The following RFTN1 variants were observed in gnomAD, a reference collection of about 807,000 sequenced individuals.
RFTN1 encodes raftlin, lipid raft linker 1, also known as raftlin.
A neutral mutation model predicts 46.5 loss-of-function variants in RFTN1; 26 were observed. The observed-to-expected ratio is 0.56, with a 90% confidence interval of 0.41 to 0.78. The LOEUF is 0.78. RFTN1 is among the 30% of genes least tolerant of loss of function. The pLI is 0.00. For synonymous variants in RFTN1, 261 were observed against 284.2 expected (o/e 0.92, Z 0.82); for missense variants, 693 against 718.7 (o/e 0.96, Z 0.41).
intron 6 of RFTN1, among the ~76,000 whole-genome samples, chr3:16,366,928 G>A (rs954852179): frequency 1.3e-5 from 2 of 152,202 alleles, no homozygotes; most frequent in Non-Finnish European, 1.5e-5. Context: ...GACCCAGGGA[G>A]AGGAGTCCTG....
At chr3:16,331,045 G>C (rs925109912) in intron 7 of RFTN1, among the ~76,000 whole-genome samples, 1 of 152,202 alleles carries the variant, frequency 6.6e-6, no homozygotes, top group African/African-American at 2.4e-5. Context: ...AAAGGAATTT[G>C]ATTTCCCTTG....
intron 6 of RFTN1, among the ~76,000 whole-genome samples, chr3:16,367,085 A>G (rs950753411): frequency 1.3e-5 from 2 of 152,244 alleles, no homozygotes; most frequent in East Asian, 1.9e-4. Context: ...CACCTTGTTT[A>G]TGGGACACAG....
chr3:16,365,982 C>A lies in RFTN1; in HGVS notation c.1030+4094G>T, dbSNP rs2073142420. Among the ~76,000 whole-genome samples, 7 of 152,098 alleles carry A rather than the reference C, an allele frequency of 4.6e-5. No individual in the cohort carries two copies. In the South Asian group the frequency reaches 1.5e-3, roughly 32 times the overall value. On this transcript the variant is annotated intron_variant, in intron 6 of 9. Coordinates refer to ENST00000334133, the MANE Select transcript of RFTN1 (RefSeq NM_015150.2). The stretch of plus-strand genomic sequence containing the variant: ...GGTTTGGATAATCAGCTGCAAAGGC[C>A]ATTTCTGAAACAAAGAGGTGGAGGA...
intron 6 of RFTN1, among the ~76,000 whole-genome samples, chr3:16,366,095 G>T (rs143897297): frequency 6.6e-6 from 1 of 152,182 alleles, no homozygotes; most frequent in East Asian, 1.9e-4. Flanking sequence ...GGAAGGCAGG[G>T]CAAAGAGGGT....
In RFTN1 at chr3:16,418,016, C is replaced by T. The variant is rs1281621432; in HGVS notation, c.333-8533G>A. Among the ~76,000 whole-genome samples the T allele has an allele frequency of 6.6e-6, 1 of 152,176 alleles. No homozygotes were observed. The highest frequency in any genetic ancestry group is 1.5e-5 in the Non-Finnish European group (1 of 68,030). ...GCAACCATGCCCGGCCTTGTCTGAC[C>T]CATTTAAACAGCCCCTCACTCTGCT... On this transcript the variant is annotated intron_variant, in intron 3 of 9. Coordinates refer to ENST00000334133, the MANE Select transcript of RFTN1 (RefSeq NM_015150.2). The surrounding 1 kb of genome is among the most constrained non-coding windows in gnomAD (Gnocchi z 5.0).
Position 16,451,286 on chromosome 3 carries a change from CCT to C in RFTN1, c.146-17251_146-17250del, listed in dbSNP as rs1172666739. Among the ~76,000 whole-genome samples the C allele has an allele frequency of 1.3e-5, 2 of 152,160 alleles. No homozygotes were observed. The highest frequency in any genetic ancestry group is 4.8e-5 in the African/African-American group (2 of 41,434). ...CAGCAGAACGTCTCATCAGTGACCT[CCT>C]CTTACCCACCACGTCAGATCCCCCA... On this transcript the variant is annotated intron_variant, in intron 2 of 9. Coordinates refer to ENST00000334133, the MANE Select transcript of RFTN1 (RefSeq NM_015150.2). The surrounding 1 kb of genome is among the most constrained non-coding windows in gnomAD (Gnocchi z 4.2).
rs559289269 is a variant in RFTN1, at chr3:16,391,577, A to G, written c.442-13475T>C. On this transcript the variant is annotated intron_variant, in intron 4 of 9. Transcript: ENST00000334133. ...ATAGCCCTTATATTGAGCTCCAATTACAGTTGTTAGTTAAGTGGGAGGACA... is the reference window on the plus strand; with the variant it reads ...ATAGCCCTTATATTGAGCTCCAATTGCAGTTGTTAGTTAAGTGGGAGGACA... Among the ~76,000 whole-genome samples the G allele has an allele frequency of 4.6e-5, 7 of 152,326 alleles. No individual in the cohort carries two copies. The East Asian group carries it at 1.3e-3, about 29-fold the overall frequency.
At chr3:16,436,975 T>C (rs556536271) in intron 2 of RFTN1, among the ~76,000 whole-genome samples, 40 of 152,320 alleles carry the variant, frequency 2.6e-4, no homozygotes, top group African/African-American at 9.4e-4. Context: ...GGTATTTTTA[T>C]TGGGTCATGT....
chr3:16,468,286 C>T lies in RFTN1; in HGVS notation c.145+25439G>A, dbSNP rs1286738721. On this transcript the variant is annotated intron_variant, in intron 2 of 9. Transcript: ENST00000334133. This position sits in a 1 kb window ranked among gnomAD's most constrained non-coding sequence, Gnocchi z 4.4. ...ATTTGGAAACTTATCTGTAGGAGTT[C>T]CCAAACCCTCACTGTCGTTCGTTTT... 3.9e-5 allele frequency among the ~76,000 whole-genome samples: 6 copies of T among 152,160 alleles called. No individual in the cohort carries two copies. Among genetic ancestry groups the T allele is most frequent in the Non-Finnish European group, 8.8e-5 (6 of 68,036 alleles).
At chr3:16,511,425 G>A (rs186921546) in intron 1 of RFTN1, among the ~76,000 whole-genome samples, 1 of 152,264 alleles carries the variant, frequency 6.6e-6, no homozygotes, top group Admixed American at 6.5e-5. Context: ...ATGGACACAG[G>A]GATGGCTGGA....
intron 2 of RFTN1, among the ~76,000 whole-genome samples, chr3:16,482,501 C>T (rs889226360): frequency 4.6e-5 from 7 of 152,112 alleles, no homozygotes; most frequent in Non-Finnish European, 7.4e-5. Flanking sequence ...AAGCCATACC[C>T]GAGGGACCTT....
chr3:16,438,333 G>A (rs1426636014), intron 2 of RFTN1, among the ~76,000 whole-genome samples: 3 of 151,844 alleles, frequency 2.0e-5, no homozygotes, highest in Non-Finnish European at 2.9e-5. Flanking sequence ...GCTTGTAATC[G>A]CAGCACTTTA....
At chr3:16,355,138 T>C (rs2125327391) in intron 7 of RFTN1, among the ~76,000 whole-genome samples, 1 of 152,290 alleles carries the variant, frequency 6.6e-6, no homozygotes, top group East Asian at 1.9e-4. Context: ...AGAATCACCC[T>C]AACACTCCAT....
rs1305633570 is a variant in RFTN1, at chr3:16,348,832, G to A, written c.1146+9100C>T. ...CCACCTGCCCCACTGGGAAGCAGGA[G>A]GACTGGTTTTGGTCCAATAGCCCAT... On this transcript the variant is annotated intron_variant, in intron 7 of 9. Coordinates refer to ENST00000334133, the MANE Select transcript of RFTN1 (RefSeq NM_015150.2). This position sits in a 1 kb window ranked among gnomAD's most constrained non-coding sequence, Gnocchi z 6.3. 1.3e-5 allele frequency among the ~76,000 whole-genome samples: 2 copies of A among 152,192 alleles called. No individual in the cohort carries two copies. The highest frequency in any genetic ancestry group is 2.9e-5 in the Non-Finnish European group (2 of 68,046).
chr3:16,322,953 A>G lies in RFTN1; in HGVS notation c.1332+423T>C, dbSNP rs925134079. ...CTCTGCTTAGATCCCCACACTTTTA[A>G]TGTCCTAAGGAATCTTAACAGGGCA... On this transcript the variant is annotated intron_variant, in intron 9 of 9. Coordinates refer to ENST00000334133, the MANE Select transcript of RFTN1 (RefSeq NM_015150.2). The surrounding 1 kb of genome is among the most constrained non-coding windows in gnomAD (Gnocchi z 6.2). Among the ~76,000 whole-genome samples, 7 of 152,142 alleles carry G rather than the reference A, an allele frequency of 4.6e-5. No individual in the cohort carries two copies. Among genetic ancestry groups the G allele is most frequent in the African/African-American group, 1.4e-4 (6 of 41,436 alleles).
At position 16,484,587 on chromosome 3, in the gene RFTN1, T is replaced by C. The variant is rs1214325292; in HGVS notation, c.145+9138A>G. On this transcript the variant is annotated intron_variant, in intron 2 of 9. Coordinates refer to ENST00000334133, the MANE Select transcript of RFTN1 (RefSeq NM_015150.2). The surrounding 1 kb of genome is among the most constrained non-coding windows in gnomAD (Gnocchi z 4.6). ...ATCCTCGAAATTGTAATGCGTGTCA[T>C]GGGAATGTCTTATAAGGAGGAACTT... The C allele has an allele frequency of 1.3e-5, 2 of 152,188 alleles. No homozygotes were observed. The highest frequency in any genetic ancestry group is 3.8e-4 in the East Asian group (2 of 5,198). The allele number at this position is 152,188 out of a possible 1,614,324, so 9.4% of individuals were successfully genotyped here. A position where few individuals can be genotyped will look rare whatever the true frequency, so the allele number is the denominator to read the frequency against.
intron 4 of RFTN1, among the ~76,000 whole-genome samples, chr3:16,397,225 T>C (rs1165380486): frequency 6.6e-6 from 1 of 152,268 alleles, no homozygotes; most frequent in East Asian, 1.9e-4. Context: ...GAGGACATTA[T>C]GCTAAGTGAA....
chr3:16,494,238 G>A (rs974425964), intron 1 of RFTN1, among the ~76,000 whole-genome samples: 1 of 152,038 alleles, frequency 6.6e-6, no homozygotes, highest in East Asian at 1.9e-4. Context: ...AAAGCAATAC[G>A]GTGCATTATA....
In RFTN1 at chr3:16,473,569, T is replaced by A. The variant is rs1423406200; in HGVS notation, c.145+20156A>T. On this transcript the variant is annotated intron_variant, in intron 2 of 9. Coordinates refer to ENST00000334133, the MANE Select transcript of RFTN1 (RefSeq NM_015150.2). The surrounding 1 kb of genome is among the most constrained non-coding windows in gnomAD (Gnocchi z 5.3). ...GCATGCACCGCCCTGCCTGGCTAAT[T>A]TTTTTGTATTTTTTTTTAGTAGAAA... 6.6e-6 allele frequency among the ~76,000 whole-genome samples: 1 copy of A among 151,746 alleles called. No individual in the cohort carries two copies. Among genetic ancestry groups the A allele is most frequent in the Non-Finnish European group, 1.5e-5 (1 of 67,912 alleles).
Sources: allele counts gnomAD v4.1 joint callset (sites outside exome capture counted in the v4.1 genomes callset), GRCh38; gene constraint gnomAD v4.1.1; non-coding constraint Gnocchi (gnomAD v3.1); transcripts MANE v1.5; gene names NCBI Gene and HGNC (gene_info 2026-07-23, HGNC 2026-07-21).